Variants in UBR7 observed in about 807,000 individuals in gnomAD.
UBR7 encodes the protein putative E3 ubiquitin-protein ligase UBR7.
Under a neutral mutation model 57.0 loss-of-function variants are expected in UBR7, and 22 were observed. The ratio of observed to expected loss-of-function variants is 0.39; its 90% CI spans 0.28 to 0.55. The LOEUF (loss-of-function observed/expected upper bound fraction) is 0.55, where lower values mean the gene tolerates loss of function less well. Among genes scored for constraint, UBR7 ranks in the 20% least tolerant of loss-of-function variants. The pLI is 0.69. For synonymous variants in UBR7, 167 were observed against 179.8 expected (o/e 0.93, Z 0.57); for missense variants, 395 against 513.2 (o/e 0.77, Z 2.23).
Position 93,227,464 on chromosome 14 carries a change from A to G in UBR7, c.*429A>G, listed in dbSNP as rs1434341538. 2.9e-6 allele frequency: 2 copies of G among 688,626 alleles called. No individual in the cohort carries two copies. The highest frequency in any genetic ancestry group is 2.0e-5 in the Admixed American group (1 of 49,646). 42.7% of individuals were successfully genotyped at this position (688,626 alleles called of 1,614,324 possible). ...TCTTCCCGTCACCTAGAACCTCTAC[A>G]GGTCCCCTCGCCCCTATGATCGTGG... On this transcript the variant is annotated 3_prime_UTR_variant, in exon 11 of 11. Transcript: ENST00000013070.
intron 4 of UBR7, 101 bp from the exon 5 acceptor site, chr14:93,214,828 C>T (rs924795066): frequency 1.9e-6 from 2 of 1,049,314 alleles, no homozygotes; most frequent in African/African-American, 1.6e-5. Context: ...AACACCAGTT[C>T]ATGTAGAACA....
At position 93,227,794 on chromosome 14, in the gene UBR7, T is replaced by C. The variant is rs773905867; in HGVS notation, c.*759T>C. 2 of 700,860 alleles carry C rather than the reference T, an allele frequency of 2.9e-6. No individual in the cohort carries two copies. The highest frequency in any genetic ancestry group is 1.5e-5 in the South Asian group (1 of 67,496). The allele number at this position is 700,860 out of a possible 1,614,324, so 43.4% of individuals were successfully genotyped here. A position where few individuals can be genotyped will look rare whatever the true frequency, so the allele number is the denominator to read the frequency against. On this transcript the variant is annotated 3_prime_UTR_variant, in exon 11 of 11. Coordinates refer to ENST00000013070, the MANE Select transcript of UBR7 (RefSeq NM_175748.4). Reference sequence around the variant, plus strand: ...TCAGTACTGTAGTGCTCACAGGGCTTCCTGGAGAACATTTGCCCGTATACT... The same window carrying C: ...TCAGTACTGTAGTGCTCACAGGGCTCCCTGGAGAACATTTGCCCGTATACT...
intron 3 of UBR7, among the ~76,000 whole-genome samples, chr14:93,211,421 C>T (rs985196879): frequency 1.4e-5 from 2 of 143,042 alleles, no homozygotes; most frequent in Non-Finnish European, 3.0e-5. Flanking sequence ...GTGGTGCGTG[C>T]CTGTAATCCC....
At chr14:93,214,686 G>A (rs1368130661) in intron 4 of UBR7, among the ~76,000 whole-genome samples, 1 of 152,196 alleles carries the variant, frequency 6.6e-6, no homozygotes, top group African/African-American at 2.4e-5. Context: ...TTACTTGCCT[G>A]GGCCTGAGTT....
intron 4 of UBR7, among the ~76,000 whole-genome samples, chr14:93,212,466 G>A (rs1894505453): frequency 6.6e-6 from 1 of 151,968 alleles, no homozygotes; most frequent in African/African-American, 2.4e-5. Flanking sequence ...AAAAAAATGG[G>A]GTATACAAAC....
At chr14:93,220,442 A>G (rs750106711) in intron 9 of UBR7, 31 bp downstream of exon 9, 2 of 1,613,334 alleles carry the variant, frequency 1.2e-6, no homozygotes, top group Admixed American at 3.3e-5. Context: ...AAAATTCATC[A>G]TTTCCTTCAC....
rs777921819 is a variant in UBR7 at position 93,218,703 on chromosome 14, T to C, written c.778T>C (p.Cys260Arg). ...EVKVEQNSEP[C>R]AGSSSESDLQ... is the part of the protein sequence containing the mutation. ...TAAAGTAGAGCAGAACAGTGAACCA[T>C]GTGCCGGCTCTAGTTCTGAATCTGA... Residue 260 changes from cysteine to arginine, a missense_variant, in exon 7 of 11, where the codon TGT becomes CGT. By Grantham distance (180) the Cys-to-Arg change is radical. Coordinates refer to ENST00000013070, the MANE Select transcript of UBR7 (RefSeq NM_175748.4). 3.7e-6 allele frequency: 6 copies of C among 1,614,010 alleles called. No homozygotes were observed. The Admixed American group carries it at 5.0e-5, about 13-fold the overall frequency.
At chr14:93,226,684 T>C (rs1362425695) in intron 10 of UBR7, among the ~76,000 whole-genome samples, 1 of 151,214 alleles carries the variant, frequency 6.6e-6, no homozygotes, top group African/African-American at 2.4e-5. Context: ...TCCCAGCTAC[T>C]CGGGAGGCTG....
At chr14:93,223,462 C>G in intron 10 of UBR7, 3 of 460,506 alleles carry the variant, frequency 6.5e-6, no homozygotes. Context: ...ACTTGGGAGG[C>G]TGGCTTGAGC....
Position 93,221,915 on chromosome 14 carries a change from C to T in UBR7, c.1124-398C>T, listed in dbSNP as rs1490207504. The stretch of plus-strand genomic sequence containing the variant: ...GCAGTGAGCCGAGATCGTGCCACTG[C>T]ATTCCAGCCTGGGTGACAGAGTGAG... On this transcript the variant is annotated intron_variant, in intron 9 of 10. Coordinates refer to ENST00000013070, the MANE Select transcript of UBR7 (RefSeq NM_175748.4). 2.0e-5 allele frequency among the ~76,000 whole-genome samples: 3 copies of T among 152,178 alleles called. No homozygotes were observed. The East Asian group carries it at 5.8e-4, about 30-fold the overall frequency.
intron 6 of UBR7, among the ~76,000 whole-genome samples, chr14:93,215,734 CA>C (rs1441373269): frequency 2.3e-4 from 34 of 150,040 alleles, no homozygotes; most frequent in African/African-American, 8.4e-4. Flanking sequence ...TCTTTCTCCA[CA>C]AGGTGCATAG....
chr14:93,212,976 T>TTTA (rs920740323), intron 4 of UBR7, among the ~76,000 whole-genome samples: 1 of 152,090 alleles, frequency 6.6e-6, no homozygotes, highest in Non-Finnish European at 1.5e-5. Context: ...ATTTGTGGCA[T>TTTA]TTAAAATTGT....
chr14:93,215,740 G>A (rs928698313), intron 6 of UBR7, among the ~76,000 whole-genome samples: 1 of 151,072 alleles, frequency 6.6e-6, no homozygotes, highest in Non-Finnish European at 1.5e-5. Flanking sequence ...TCCACAAGGT[G>A]CATAGATTTG....
At chr14:93,210,914 G>C (rs772851785) in intron 3 of UBR7, among the ~76,000 whole-genome samples, 1 of 152,164 alleles carries the variant, frequency 6.6e-6, no homozygotes, top group Non-Finnish European at 1.5e-5. Context: ...TAATATGAAA[G>C]GTTTGGGGGA....
chr14:93,210,404 A>G (rs1277540024), intron 2 of UBR7, among the ~76,000 whole-genome samples: 1 of 152,186 alleles, frequency 6.6e-6, no homozygotes, highest in Admixed American at 6.6e-5. Flanking sequence ...TAATGTAATT[A>G]TTTTATATAA....
At position 93,228,463 on chromosome 14, in the gene UBR7, T is replaced by C. The variant is rs1208893896; in HGVS notation, c.*1428T>C. 8 of 454,010 alleles carry C rather than the reference T, an allele frequency of 1.8e-5. No individual in the cohort carries two copies. In the Admixed American group the frequency reaches 1.9e-4, roughly 11 times the overall value. 28.1% of individuals were successfully genotyped at this position (454,010 alleles called of 1,614,324 possible). A position where few individuals can be genotyped will look rare whatever the true frequency, so the allele number is the denominator to read the frequency against. On this transcript the variant is annotated 3_prime_UTR_variant, in exon 11 of 11. Transcript: ENST00000013070. Reference sequence around the variant, plus strand: ...TATGTGTCCAGCATCTGTGTATTCATTCGAGTGCCCAATCCCTGGATGAGA... The same window carrying C: ...TATGTGTCCAGCATCTGTGTATTCACTCGAGTGCCCAATCCCTGGATGAGA...
chr14:93,207,260 G>C lies in UBR7; in HGVS notation c.-32G>C, dbSNP rs927725515. 1.3e-6 allele frequency: 2 copies of C among 1,549,486 alleles called. No homozygotes were observed. Among genetic ancestry groups the C allele is most frequent in the African/African-American group, 2.7e-5 (2 of 73,026 alleles). On this transcript the variant is annotated 5_prime_UTR_variant, in exon 1 of 11. Coordinates refer to ENST00000013070, the MANE Select transcript of UBR7 (RefSeq NM_175748.4). ...ACGGCCGCTTTTCCCGCCTCCGCCG[G>C]GGCCGAGCCGCTGTTCGGCTGACAG...
At chr14:93,223,846 G>C in intron 10 of UBR7, 1 of 749,800 alleles carries the variant, frequency 1.3e-6, no homozygotes, top group Non-Finnish European at 2.4e-6. Flanking sequence ...TCAGGTCCCG[G>C]TATTCCCGGT....
intron 10 of UBR7, among the ~76,000 whole-genome samples, chr14:93,224,969 AAGTT>A (rs1363440551): frequency 2.6e-5 from 4 of 152,220 alleles, no homozygotes; most frequent in African/African-American, 4.8e-5. Context: ...TAAAAGAAAA[AAGTT>A]AGGCATGTTC....
Sources: gnomAD v4.1 joint callset for allele counts (sites outside exome capture counted in the v4.1 genomes callset) on GRCh38, gnomAD v4.1.1 for gene constraint, MANE v1.5 for transcripts, NCBI Gene and HGNC (gene_info 2026-07-23, HGNC 2026-07-21) for gene names.